The following PPP1R3B variants were observed in gnomAD, a reference collection of about 807,000 sequenced individuals.
The protein encoded by PPP1R3B is protein phosphatase 1 regulatory subunit 3B.
Under a neutral mutation model 14.6 loss-of-function variants are expected in PPP1R3B, and 8 were observed. The observed-to-expected ratio is 0.55, with a 90% CI of 0.32 to 0.99. The LOEUF (loss-of-function observed/expected upper bound fraction) is 0.99, where lower values mean the gene tolerates loss of function less well. Among genes scored for constraint, PPP1R3B ranks in the 50% least tolerant of loss-of-function variants. PPP1R3B has a pLI of 0.04. For synonymous variants in PPP1R3B, 169 were observed against 142.0 expected (o/e 1.19, Z -1.35); for missense variants, 452 against 360.1 (o/e 1.26, Z -2.07).
chr8:9,149,876 G>A (rs1196091605), intron 1 of PPP1R3B, among the ~76,000 whole-genome samples: 1 of 152,212 alleles, frequency 6.6e-6, no homozygotes, highest in Non-Finnish European at 1.5e-5. Context: ...AGCCCCTGCC[G>A]TCTAAAAACG....
rs1800992997 is a variant in PPP1R3B at position 9,139,333 on chromosome 8, T to G, written c.*1461A>C. ...ACGTTTAAAATAACGTATAAGAACT[T>G]GGGTGAGGTTTTTCTCCCCTATCTC... is the stretch of plus-strand genomic sequence containing the variant. On this transcript the variant is annotated 3_prime_UTR_variant, in exon 2 of 2. Coordinates refer to ENST00000310455, the MANE Select transcript of PPP1R3B (RefSeq NM_024607.4). The G allele has an allele frequency of 6.6e-6, 1 of 152,186 alleles. No individual in the cohort carries two copies. The highest frequency in any genetic ancestry group is 1.5e-5 in the Non-Finnish European group (1 of 68,024). The allele number at this position is 152,186 out of a possible 1,614,324, so 9.4% of individuals were successfully genotyped here.
chr8:9,150,399 C>G (rs1213492040), intron 1 of PPP1R3B, among the ~76,000 whole-genome samples, 164 bp downstream of exon 1: 1 of 152,236 alleles, frequency 6.6e-6, no homozygotes, highest in Non-Finnish European at 1.5e-5. Flanking sequence ...CCTTCCACAC[C>G]CCTTTTTCTG....
Position 9,148,030 on chromosome 8 carries a change from C to A in PPP1R3B, c.-18+2533G>T, listed in dbSNP as rs527532385. Among the ~76,000 whole-genome samples, 3 of 152,168 alleles carry A rather than the reference C, an allele frequency of 2.0e-5. No homozygotes were observed. The South Asian group carries it at 6.2e-4, about 32-fold the overall frequency. On this transcript the variant is annotated intron_variant, in intron 1 of 1. Transcript: ENST00000310455. ...TCGACTGTCAGTCACCTTGCCTGTCCCACAGATAGCTTCCAGATTTTATTT... is the reference window on the plus strand; with the variant it reads ...TCGACTGTCAGTCACCTTGCCTGTCACACAGATAGCTTCCAGATTTTATTT...
Position 9,141,677 on chromosome 8 carries a change from G to T in PPP1R3B, c.-17-9C>A, listed in dbSNP as rs330924. ...GGGGCTAGATGAACAGGCTAGAACC[G>T]TGGAAAGGGAAGAGAAGAAAGAAAA... On this transcript the variant is annotated splice_polypyrimidine_tract_variant and intron_variant, in intron 1 of 1. Coordinates refer to ENST00000310455, the MANE Select transcript of PPP1R3B (RefSeq NM_024607.4). The T allele has an allele frequency of 6.3e-7, 1 of 1,595,626 alleles. No homozygotes were observed. Among genetic ancestry groups the T allele is most frequent in the Non-Finnish European group, 8.6e-7 (1 of 1,167,354 alleles).
rs950650605 is a variant in PPP1R3B at position 9,140,054 on chromosome 8, A to C, written c.*740T>G. On this transcript the variant is annotated 3_prime_UTR_variant, in exon 2 of 2. Transcript: ENST00000310455. ...AGAACCCTGCAATCTGTGACACCGC[A>C]CAGGAGCCAGTGGGTTTTGATGACT... 7 of 152,746 alleles carry C rather than the reference A, an allele frequency of 4.6e-5. No individual in the cohort carries two copies. The East Asian group carries it at 1.3e-3, about 29-fold the overall frequency. The allele number at this position is 152,746 out of a possible 1,614,324, so 9.5% of individuals were successfully genotyped here.
In PPP1R3B at chr8:9,137,058, A is replaced by G. The variant is rs1212016802; in HGVS notation, c.*3736T>C. 6.6e-6 allele frequency: 1 copy of G among 152,186 alleles called. No homozygotes were observed. The highest frequency in any genetic ancestry group is 1.9e-4 in the East Asian group (1 of 5,200). The allele number at this position is 152,186 out of a possible 1,614,324, so 9.4% of individuals were successfully genotyped here. On this transcript the variant is annotated 3_prime_UTR_variant, in exon 2 of 2. Coordinates refer to ENST00000310455, the MANE Select transcript of PPP1R3B (RefSeq NM_024607.4). ...TCTTCTAAGAATGTATAATTTTGCC[A>G]CCATTAAAATGAAATCTTAAAGGTA... is the stretch of plus-strand genomic sequence containing the variant.
intron 1 of PPP1R3B, among the ~76,000 whole-genome samples, chr8:9,147,601 C>G (rs575677956): frequency 6.6e-6 from 1 of 152,094 alleles, no homozygotes; most frequent in Admixed American, 6.5e-5. Context: ...ACACAGCCCA[C>G]TAGAGCCAAT....
intron 1 of PPP1R3B, 83 bp from the exon 2 acceptor site, chr8:9,141,751 G>T: frequency 7.5e-7 from 1 of 1,331,690 alleles, no homozygotes; most frequent in South Asian, 1.5e-5. Context: ...CATTCCAGCA[G>T]GGACTGGCAA....
intron 1 of PPP1R3B, chr8:9,142,350 C>T (rs544568888): frequency 6.6e-5 from 10 of 152,438 alleles, no homozygotes; most frequent in African/African-American, 2.4e-4. Context: ...CCTGCCTTGA[C>T]CTCCCAAGGT....
intron 1 of PPP1R3B, among the ~76,000 whole-genome samples, chr8:9,143,724 A>G (rs1801156970): frequency 6.6e-6 from 1 of 152,134 alleles, no homozygotes; most frequent in African/African-American, 2.4e-5. Flanking sequence ...TAAAATAAAA[A>G]CAACCAGCAA....
In PPP1R3B at chr8:9,142,988, C is replaced by T. The variant is rs997587958; in HGVS notation, c.-17-1320G>A. On this transcript the variant is annotated intron_variant, in intron 1 of 1. Coordinates refer to ENST00000310455, the MANE Select transcript of PPP1R3B (RefSeq NM_024607.4). The stretch of plus-strand genomic sequence containing the variant: ...GAACATAAGAGTACAGATAACTCTC[C>T]GATACACTGACTTCAATTCCTTTGG... 6.2e-4 allele frequency among the ~76,000 whole-genome samples: 95 copies of T among 152,150 alleles called. 2 individuals carry two copies. Among genetic ancestry groups the T allele is most frequent in the Non-Finnish European group, 7.3e-5 (5 of 68,032 alleles).
In PPP1R3B at chr8:9,137,150, C is replaced by G. The variant is rs1466467488; in HGVS notation, c.*3644G>C. The G allele has an allele frequency of 6.6e-6, 1 of 152,206 alleles. No homozygotes were observed. Among genetic ancestry groups the G allele is most frequent in the African/African-American group, 2.4e-5 (1 of 41,446 alleles). The allele number at this position is 152,206 out of a possible 1,614,324, so 9.4% of individuals were successfully genotyped here. On this transcript the variant is annotated 3_prime_UTR_variant, in exon 2 of 2. Coordinates refer to ENST00000310455, the MANE Select transcript of PPP1R3B (RefSeq NM_024607.4). ...GGAGAACTGTACAGCTTCATTATTTCTCACCAGCTCCAGTAGAATAATTTT... is the reference window on the plus strand; with the variant it reads ...GGAGAACTGTACAGCTTCATTATTTGTCACCAGCTCCAGTAGAATAATTTT...
Position 9,137,413 on chromosome 8 carries a change from G to C in PPP1R3B, c.*3381C>G, listed in dbSNP as rs140876374. On this transcript the variant is annotated 3_prime_UTR_variant, in exon 2 of 2. Coordinates refer to ENST00000310455, the MANE Select transcript of PPP1R3B (RefSeq NM_024607.4). ...CAACCTGGGAAAGATTCTGGGACTC[G>C]GGGGCCACTTGTAACCATAACCAAG... is the stretch of plus-strand genomic sequence containing the variant. The C allele has an allele frequency of 6.6e-6, 1 of 152,106 alleles. No homozygotes were observed. The allele number at this position is 152,106 out of a possible 1,614,324, so 9.4% of individuals were successfully genotyped here.
intron 1 of PPP1R3B, among the ~76,000 whole-genome samples, chr8:9,150,254 C>T (rs1295365953): frequency 6.6e-6 from 1 of 152,206 alleles, no homozygotes; most frequent in Non-Finnish European, 1.5e-5. Flanking sequence ...GTTCCAACAC[C>T]TTCCAAGTCT....
rs1190405942 is a variant in PPP1R3B, at chr8:9,141,273, G to T, written c.379C>A (p.Arg127=). Residue 127 remains arginine, a synonymous_variant, in exon 2 of 2, where the codon CGA becomes AGA. Coordinates refer to ENST00000310455, the MANE Select transcript of PPP1R3B (RefSeq NM_024607.4). ...AGGCAGACGTGGTCGGCCTGAAGTCGATTTCTAAAGTCTAAGTAATCTGCA... is the reference window on the plus strand; with the variant it reads ...AGGCAGACGTGGTCGGCCTGAAGTCTATTTCTAAAGTCTAAGTAATCTGCA... ...PSADYLDFRN[R]LQADHVCLEN... is the part of the protein sequence containing the mutation. 1 of 1,614,084 alleles carries T rather than the reference G, an allele frequency of 6.2e-7. No homozygotes were observed.
chr8:9,137,362 G>A lies in PPP1R3B; in HGVS notation c.*3432C>T, dbSNP rs1208264360. The A allele has an allele frequency of 6.6e-6, 1 of 152,212 alleles. No homozygotes were observed. The highest frequency in any genetic ancestry group is 1.5e-5 in the Non-Finnish European group (1 of 68,022). The allele number at this position is 152,212 out of a possible 1,614,324, so 9.4% of individuals were successfully genotyped here. ...TCCCTATTGCCGGACAACTGCACCT[G>A]TGACAGGTGGCTGGTCTTTCTGGGG... On this transcript the variant is annotated 3_prime_UTR_variant, in exon 2 of 2. Transcript: ENST00000310455.
intron 1 of PPP1R3B, among the ~76,000 whole-genome samples, chr8:9,142,098 TTTATTTACGTA>T (rs1304169880): frequency 1.3e-5 from 2 of 152,292 alleles, no homozygotes; most frequent in East Asian, 3.9e-4. Flanking sequence ...AGGGACACTA[TTTATTTACGTA>T]TTTTTAGAGA....
rs905258315 is a variant in PPP1R3B, at chr8:9,136,365, A to T, written c.*4429T>A. The T allele has an allele frequency of 2.6e-5, 4 of 152,114 alleles. No homozygotes were observed. Among genetic ancestry groups the T allele is most frequent in the Non-Finnish European group, 5.9e-5 (4 of 68,020 alleles). 9.4% of individuals were successfully genotyped at this position (152,114 alleles called of 1,614,324 possible). On this transcript the variant is annotated 3_prime_UTR_variant, in exon 2 of 2. Coordinates refer to ENST00000310455, the MANE Select transcript of PPP1R3B (RefSeq NM_024607.4). ...ATTTTTAAAGTGCATTTCCCCTTGA[A>T]CTCTGTGTACAAAAATATTTATCTT...
At chr8:9,147,767 C>G (rs540814585) in intron 1 of PPP1R3B, among the ~76,000 whole-genome samples, 1 of 136,590 alleles carries the variant, frequency 7.3e-6, no homozygotes, top group South Asian at 3.1e-4. Flanking sequence ...AGGCCAGGCT[C>G]TAGTCAGAGC....
Sources: gnomAD v4.1 joint callset for allele counts (sites outside exome capture counted in the v4.1 genomes callset) on GRCh38, gnomAD v4.1.1 for gene constraint, MANE v1.5 for transcripts, NCBI Gene and HGNC (gene_info 2026-07-23, HGNC 2026-07-21) for gene names.